STPG4: variants seen among roughly 807,000 people sequenced by gnomAD.
STPG4 encodes the protein protein STPG4.
Under a neutral mutation model 31.5 loss-of-function variants are expected in STPG4, and 41 were observed. The observed-to-expected ratio is 1.30, with a 90% CI of 1.01 to 1.69. STPG4 has a LOEUF of 1.69. Among genes scored for constraint, STPG4 ranks in the 40% most tolerant of loss-of-function variants. The pLI is 0.00. For synonymous variants in STPG4, 141 were observed against 103.0 expected (o/e 1.37, Z -2.24); for missense variants, 375 against 293.4 (o/e 1.28, Z -2.03).
At chr2:47,102,165 G>A (rs1240233734) in intron 5 of STPG4, among the ~76,000 whole-genome samples, 3 of 136,142 alleles carry the variant, frequency 2.2e-5, no homozygotes, top group African/African-American at 9.1e-5. Flanking sequence ...GCAGGTTCTT[G>A]GGCAGGGGTT....
intron 5 of STPG4, among the ~76,000 whole-genome samples, chr2:47,123,987 T>G (rs965026795): frequency 6.6e-6 from 1 of 152,086 alleles, no homozygotes; most frequent in Admixed American, 6.6e-5. Flanking sequence ...ATTTATTTAT[T>G]TATTTATTTT....
chr2:47,154,417 G>C (rs977432503), intron 1 of STPG4, among the ~76,000 whole-genome samples: 1 of 152,160 alleles, frequency 6.6e-6, no homozygotes, highest in Non-Finnish European at 1.5e-5. Flanking sequence ...GGAGAGAGAA[G>C]TAAACGCGAT....
At chr2:47,137,673 G>T (rs1686622753) in intron 3 of STPG4, among the ~76,000 whole-genome samples, 1 of 152,162 alleles carries the variant, frequency 6.6e-6, no homozygotes, top group Non-Finnish European at 1.5e-5. Flanking sequence ...GGCCTATTCA[G>T]ACTCTATTTC....
At chr2:47,117,648 C>T (rs1476433885) in intron 5 of STPG4, among the ~76,000 whole-genome samples, 1 of 152,216 alleles carries the variant, frequency 6.6e-6, no homozygotes, top group East Asian at 1.9e-4. Flanking sequence ...TGCGTGTATA[C>T]ACATTGGTTG....
Position 47,090,303 on chromosome 2 carries a change from T to C in STPG4, c.591A>G (p.Gln197=), listed in dbSNP as rs1420096255. ...PPTSSVTSCF[Q]SRVPRFLPSC... is the part of the protein sequence containing the mutation. ...TGGGCAAGAATCGAGGGACTCTGGA[T>C]TGAAAACAAGAAGTGACAGAGCTTG... The change falls in exon 6 of 7, where the codon CAA becomes CAG. Residue 197 remains glutamine (Q), a synonymous_variant. Coordinates refer to ENST00000445927, the MANE Select transcript of STPG4 (RefSeq NM_001163561.2). 10 of 1,551,840 alleles carry C rather than the reference T, an allele frequency of 6.4e-6. No individual in the cohort carries two copies. The highest frequency in any genetic ancestry group is 7.0e-6 in the Non-Finnish European group (8 of 1,146,976).
chr2:47,132,747 C>A (rs1213198258), intron 3 of STPG4, among the ~76,000 whole-genome samples: 1 of 152,096 alleles, frequency 6.6e-6, no homozygotes, highest in Non-Finnish European at 1.5e-5. Flanking sequence ...TTAAAATGTG[C>A]ATATTTGCTT....
At chr2:47,152,936 A>T (rs115781850) in intron 2 of STPG4, 21 bp downstream of exon 2, 24,815 of 1,545,590 alleles carry the variant, frequency 0.016, 281 homozygotes, top group Non-Finnish European at 0.019. Flanking sequence ...GTGAATAGGA[A>T]AGACTGAACA....
At chr2:47,096,029 G>A (rs1005248822) in intron 5 of STPG4, among the ~76,000 whole-genome samples, 5 of 152,124 alleles carry the variant, frequency 3.3e-5, no homozygotes, top group Admixed American at 6.5e-5. Flanking sequence ...CTAAACTGCC[G>A]ACTGCAGAGA....
Position 47,110,999 on chromosome 2 carries a change from C to T in STPG4, c.519+18942G>A, listed in dbSNP as rs534856050. Among the ~76,000 whole-genome samples, 3 of 152,250 alleles carry T rather than the reference C, an allele frequency of 2.0e-5. No individual in the cohort carries two copies. The South Asian group carries it at 6.2e-4, about 32-fold the overall frequency. On this transcript the variant is annotated intron_variant, in intron 5 of 6. Transcript: ENST00000445927. ...ATAGCCACATTTGAGCAAATTATCC[C>T]TTGATCATATCTTTGTATAGGTGAA...
At chr2:47,103,169 T>A (rs977639428) in intron 5 of STPG4, among the ~76,000 whole-genome samples, 5 of 151,998 alleles carry the variant, frequency 3.3e-5, no homozygotes, top group Admixed American at 2.6e-4. Context: ...TCTGTTGACC[T>A]GTGTTCTAGA....
intron 5 of STPG4, among the ~76,000 whole-genome samples, chr2:47,099,652 C>G (rs1685748912): frequency 6.6e-6 from 1 of 152,278 alleles, no homozygotes; most frequent in Non-Finnish European, 1.5e-5. Context: ...GCCCTTCAGC[C>G]CACCGCTGCA....
At chr2:47,089,211 C>A (rs886143612) in intron 6 of STPG4, among the ~76,000 whole-genome samples, 2 of 152,232 alleles carry the variant, frequency 1.3e-5, no homozygotes, top group African/African-American at 4.8e-5. Flanking sequence ...TGGGCTCCGA[C>A]AAACATGTTT....
At chr2:47,106,800 G>C (rs1307666878) in intron 5 of STPG4, among the ~76,000 whole-genome samples, 3 of 152,020 alleles carry the variant, frequency 2.0e-5, no homozygotes, top group African/African-American at 7.3e-5. Context: ...CCATCTTGCT[G>C]TTACTAGCCT....
intron 5 of STPG4, among the ~76,000 whole-genome samples, chr2:47,103,033 TAGTC>T (rs1175981570): frequency 1.3e-5 from 2 of 151,896 alleles, no homozygotes; most frequent in African/African-American, 4.9e-5. Flanking sequence ...CCTGGTATCT[TAGTC>T]AAGTAAATGA....
chr2:47,093,091 C>T (rs1395916912), intron 5 of STPG4, among the ~76,000 whole-genome samples: 2 of 152,210 alleles, frequency 1.3e-5, no homozygotes, highest in Admixed American at 6.5e-5. Flanking sequence ...GCACCCGGCC[C>T]TTCCACAGGA....
intron 3 of STPG4, among the ~76,000 whole-genome samples, chr2:47,134,181 A>AG (rs1002081561): frequency 6.6e-6 from 1 of 152,214 alleles, no homozygotes; most frequent in African/African-American, 2.4e-5. Flanking sequence ...CACACTAAAA[A>AG]GGTACAGACG....
At chr2:47,099,424 G>C (rs553695553) in intron 5 of STPG4, among the ~76,000 whole-genome samples, 13 of 152,366 alleles carry the variant, frequency 8.5e-5, no homozygotes, top group Middle Eastern at 3.4e-3. Context: ...AGCAGGACTA[G>C]GAAGTTCTCT....
intron 3 of STPG4, among the ~76,000 whole-genome samples, chr2:47,132,329 T>C (rs1035014027): frequency 6.6e-6 from 1 of 152,098 alleles, no homozygotes; most frequent in African/African-American, 2.4e-5. Context: ...TCCCCTCCAC[T>C]CCCTATTATT....
chr2:47,152,350 G>C (rs1686955510), intron 2 of STPG4, among the ~76,000 whole-genome samples: 1 of 152,216 alleles, frequency 6.6e-6, no homozygotes, highest in African/African-American at 2.4e-5. Flanking sequence ...GGCCAGAATT[G>C]AACGTTTAGT....
Sources: allele counts gnomAD v4.1 joint callset (sites outside exome capture counted in the v4.1 genomes callset), GRCh38; gene constraint gnomAD v4.1.1; transcripts MANE v1.5; gene names NCBI Gene and HGNC (gene_info 2026-07-23, HGNC 2026-07-21).